The following CACNA2D2 variants were observed in gnomAD, a reference collection of about 807,000 sequenced individuals.
CACNA2D2 encodes calcium voltage-gated channel auxiliary subunit alpha2delta 2.
In CACNA2D2, 48 loss-of-function variants were observed where a neutral mutation model predicts 166.4. The observed-to-expected ratio is 0.29, with a 90% confidence interval of 0.23 to 0.37. The LOEUF (loss-of-function observed/expected upper bound fraction) is 0.37, where lower values mean the gene tolerates loss of function less well. Ranked by LOEUF, CACNA2D2 falls within the 10% of genes least tolerant of loss-of-function variation. The pLI, the probability that CACNA2D2 is intolerant of heterozygous loss-of-function variation, is 1.00. For synonymous variants in CACNA2D2, 561 were observed against 573.7 expected, an observed-to-expected ratio of 0.98 and a Z score of 0.32; for missense variants, 1,122 against 1,433.0, an observed-to-expected ratio of 0.78 and a Z score of 3.50.
At chr3:50,415,521 T>C (rs907272242) in intron 3 of CACNA2D2, among the ~76,000 whole-genome samples, 5 of 152,138 alleles carry the variant, frequency 3.3e-5, no homozygotes, top group African/African-American at 1.2e-4. Flanking sequence ...GAAAAAAAAG[T>C]TGCTGATAAG....
chr3:50,473,816 G>A (rs970771811), intron 2 of CACNA2D2, among the ~76,000 whole-genome samples: 4 of 152,156 alleles, frequency 2.6e-5, no homozygotes, highest in South Asian at 2.1e-4. Context: ...AGAGTGCCCC[G>A]TGCCAAGAAA....
chr3:50,428,170 A>T (rs1181499806), intron 3 of CACNA2D2, among the ~76,000 whole-genome samples: 1 of 152,134 alleles, frequency 6.6e-6, no homozygotes. Flanking sequence ...TGGTCATGAC[A>T]ACTGGGAGAG....
At chr3:50,476,085 C>T in intron 2 of CACNA2D2, 33 bp downstream of exon 2, 2 of 1,529,544 alleles carry the variant, frequency 1.3e-6, no homozygotes, top group Non-Finnish European at 8.9e-7. Flanking sequence ...GGAAGAGGGT[C>T]CCTGAAGAGA....
intron 1 of CACNA2D2, among the ~76,000 whole-genome samples, chr3:50,502,510 G>A (rs982154470): frequency 3.3e-5 from 5 of 152,272 alleles, no homozygotes; most frequent in Non-Finnish European, 7.3e-5. Flanking sequence ...GAGGCTGGCA[G>A]AGCCAGGAGA....
chr3:50,450,429 C>T (rs551299566), intron 2 of CACNA2D2, among the ~76,000 whole-genome samples: 12 of 151,418 alleles, frequency 7.9e-5, no homozygotes, highest in Non-Finnish European at 1.0e-4. Flanking sequence ...ACTGCTCGGA[C>T]GTGAAATTGG....
intron 3 of CACNA2D2, among the ~76,000 whole-genome samples, chr3:50,409,084 C>G (rs1463062251): frequency 1.3e-5 from 2 of 152,130 alleles, no homozygotes; most frequent in African/African-American, 4.8e-5. Context: ...TGGATCCACA[C>G]TGGATTCAGA....
At chr3:50,429,887 G>C (rs1289434088) in intron 3 of CACNA2D2, among the ~76,000 whole-genome samples, 1 of 151,988 alleles carries the variant, frequency 6.6e-6, no homozygotes, top group East Asian at 1.9e-4. Context: ...TGATGCGCTT[G>C]ATCTGAAGCA....
At chr3:50,460,338 A>G (rs539151520) in intron 2 of CACNA2D2, among the ~76,000 whole-genome samples, 1 of 152,332 alleles carries the variant, frequency 6.6e-6, no homozygotes, top group South Asian at 2.1e-4. Flanking sequence ...GTTATGCAAG[A>G]CGATAACTTA....
At chr3:50,418,842 G>A (rs1707406251) in intron 3 of CACNA2D2, among the ~76,000 whole-genome samples, 1 of 152,252 alleles carries the variant, frequency 6.6e-6, no homozygotes, top group South Asian at 2.1e-4. Context: ...CTGGGGCATG[G>A]CTGGGATTTT....
At chr3:50,465,656 T>C (rs908029444) in intron 2 of CACNA2D2, among the ~76,000 whole-genome samples, 1 of 151,964 alleles carries the variant, frequency 6.6e-6, no homozygotes, top group Non-Finnish European at 1.5e-5. Context: ...CTGGGGAGCA[T>C]GGGGGACCCT....
intron 1 of CACNA2D2, among the ~76,000 whole-genome samples, chr3:50,495,176 G>A (rs915279199): frequency 6.6e-6 from 1 of 152,188 alleles, no homozygotes; most frequent in East Asian, 1.9e-4. Flanking sequence ...TATGATGGTG[G>A]TATCAGGACC....
At chr3:50,373,478 A>G (rs1241684619) in intron 22 of CACNA2D2, among the ~76,000 whole-genome samples, 2 of 84,374 alleles carry the variant, frequency 2.4e-5, no homozygotes, top group Non-Finnish European at 4.4e-5. Context: ...GGAGTGGGAG[A>G]GGCAGGGGAG....
Position 50,377,541 on chromosome 3 carries a change from T to C in CACNA2D2, c.1552A>G (p.Asn518Asp). The C allele has an allele frequency of 6.2e-7, 1 of 1,613,162 alleles. No individual in the cohort carries two copies. The change falls in exon 17 of 38, where the codon AAC becomes GAC. Residue 518 changes from asparagine to aspartate, a missense_variant and splice_region_variant. By Grantham distance (23) the Asn-to-Asp change is conservative (BLOSUM62 1). Transcript: ENST00000424201. ...CCCATCACGCCCAGGATCAGCTGGTTCTGGGAGCAGAAGCATGGGGGGCTC... is the reference window on the plus strand; with the variant it reads ...CCCATCACGCCCAGGATCAGCTGGTCCTGGGAGCAGAAGCATGGGGGGCTC... ...LTQDGPGEKK[N>D]QLILGVMGID...
At chr3:50,444,564 T>C (rs912613458) in intron 2 of CACNA2D2, among the ~76,000 whole-genome samples, 2 of 152,246 alleles carry the variant, frequency 1.3e-5, no homozygotes, top group Admixed American at 6.5e-5. Context: ...CCTGAGCACC[T>C]TCCCTGATCC....
chr3:50,381,583 T>C (rs1012988694), intron 6 of CACNA2D2, among the ~76,000 whole-genome samples: 2 of 138,598 alleles, frequency 1.4e-5, no homozygotes, highest in African/African-American at 5.5e-5. Context: ...GCTATTAAGT[T>C]ACCTGATAAG....
chr3:50,420,608 T>C (rs954728296), intron 3 of CACNA2D2, among the ~76,000 whole-genome samples: 1 of 152,012 alleles, frequency 6.6e-6, no homozygotes, highest in African/African-American at 2.4e-5. Context: ...GAACCAAACC[T>C]TGGTCAGGGT....
chr3:50,400,373 A>G (rs1050620493), intron 3 of CACNA2D2, among the ~76,000 whole-genome samples: 8 of 152,338 alleles, frequency 5.3e-5, no homozygotes, highest in African/African-American at 1.9e-4. Context: ...CAGGGACCAA[A>G]AGAATCCCCT....
At chr3:50,421,961 G>A (rs1432400235) in intron 3 of CACNA2D2, among the ~76,000 whole-genome samples, 1 of 152,060 alleles carries the variant, frequency 6.6e-6, no homozygotes, top group African/African-American at 2.4e-5. Flanking sequence ...CAGGCAGGAG[G>A]CACTGCCTGC....
At chr3:50,465,454 G>A (rs573754963) in intron 2 of CACNA2D2, among the ~76,000 whole-genome samples, 1 of 152,300 alleles carries the variant, frequency 6.6e-6, no homozygotes, top group Admixed American at 6.5e-5. Flanking sequence ...CAGTGGCAGG[G>A]CCAGGGGTCT....
Sources: gnomAD v4.1 joint callset for allele counts (sites outside exome capture counted in the v4.1 genomes callset) on GRCh38, gnomAD v4.1.1 for gene constraint, MANE v1.5 for transcripts, NCBI Gene and HGNC (gene_info 2026-07-23, HGNC 2026-07-21) for gene names.